Variants in PCDHGB1 observed in about 807,000 individuals in gnomAD.
The protein encoded by PCDHGB1 is protocadherin gamma subfamily B, 1, also known as protocadherin gamma-B1.
In PCDHGB1, 34 loss-of-function variants were observed where a neutral mutation model predicts 56.6. The ratio of observed to expected loss-of-function variants is 0.60; its 90% CI spans 0.46 to 0.80. The LOEUF is 0.80. Ranked by LOEUF, PCDHGB1 falls within the 30% of genes least tolerant of loss-of-function variation. The pLI, the probability that PCDHGB1 is intolerant of heterozygous loss-of-function variation, is 0.00. For synonymous variants in PCDHGB1, 561 were observed against 505.9 expected (o/e 1.11, Z -1.46); for missense variants, 1,278 against 1,204.6 (o/e 1.06, Z -0.90).
At chr5:141,406,908 A>G (rs1256233458) in intron 1 of PCDHGB1, among the ~76,000 whole-genome samples, 2 of 152,204 alleles carry the variant, frequency 1.3e-5, no homozygotes, top group Non-Finnish European at 2.9e-5. Flanking sequence ...GTTTTTAGCT[A>G]TAAGGAAGAG....
intron 1 of PCDHGB1, among the ~76,000 whole-genome samples, chr5:141,363,599 G>A (rs1470952718): frequency 1.3e-5 from 2 of 152,206 alleles, no homozygotes; most frequent in African/African-American, 2.4e-5. Context: ...CAACTCAAAC[G>A]CTGTCTGAGA....
In PCDHGB1 at chr5:141,400,247, T is replaced by C; in HGVS notation, c.2409+47578T>C. 1 of 1,614,050 alleles carries C rather than the reference T, an allele frequency of 6.2e-7. No homozygotes were observed. Among genetic ancestry groups the C allele is most frequent in the East Asian group, 2.2e-5 (1 of 44,884 alleles). ...TTCCTCCTGGCCGTGATTCTGGCCG[T>C]TGCCTTGCGCCTGCGACGCTCCTCC... On this transcript the variant is annotated intron_variant, in intron 1 of 3. Transcript: ENST00000523390.
intron 1 of PCDHGB1, among the ~76,000 whole-genome samples, chr5:141,484,685 T>G (rs2099599013): frequency 6.6e-6 from 1 of 151,934 alleles, no homozygotes; most frequent in Non-Finnish European, 1.5e-5. Flanking sequence ...TTGCTAGGGC[T>G]CAGGCTGTGG....
chr5:141,409,055 G>T (rs141881204), intron 1 of PCDHGB1: 10 of 1,614,038 alleles, frequency 6.2e-6, no homozygotes, highest in Non-Finnish European at 8.5e-6. Flanking sequence ...CCGAAGCACT[G>T]CCCAGAGCAC....
At chr5:141,366,570 G>C (rs373636717) in intron 1 of PCDHGB1, 3 of 1,614,218 alleles carry the variant, frequency 1.9e-6, no homozygotes, top group Admixed American at 3.3e-5. Context: ...GATGGGGTTC[G>C]GGCTTTCCTG....
intron 1 of PCDHGB1, chr5:141,366,009 C>T (rs750100968): frequency 6.2e-6 from 10 of 1,614,108 alleles, no homozygotes; most frequent in African/African-American, 2.7e-5. Flanking sequence ...GACAATACGC[C>T]TGAGATCCTG....
intron 1 of PCDHGB1, chr5:141,366,169 G>A (rs1281971399): frequency 6.2e-7 from 1 of 1,613,962 alleles, no homozygotes; most frequent in Non-Finnish European, 8.5e-7. Flanking sequence ...AGGCCAGCGA[G>A]CCAGGACTCT....
At chr5:141,419,936 G>C in intron 1 of PCDHGB1, 1 of 1,614,074 alleles carries the variant, frequency 6.2e-7, no homozygotes, top group Non-Finnish European at 8.5e-7. Context: ...GTTTTACCTG[G>C]TGGTGGCCTT....
chr5:141,446,747 G>A (rs997132200), intron 1 of PCDHGB1, among the ~76,000 whole-genome samples: 10 of 152,190 alleles, frequency 6.6e-5, no homozygotes, highest in African/African-American at 1.4e-4. Context: ...GATTACAGGC[G>A]TGAGCCACCG....
chr5:141,497,406 C>T lies in PCDHGB1; in HGVS notation c.2468+2541C>T, dbSNP rs892691245. 1.2e-4 allele frequency among the ~76,000 whole-genome samples: 19 copies of T among 152,174 alleles called. No individual in the cohort carries two copies. The East Asian group carries it at 1.5e-3, about 12-fold the overall frequency. ...AGCACCTTACCCCTGCCTCAACTCC[C>T]ATTCCATCAAATGAGAGGCTTAGTG... On this transcript the variant is annotated intron_variant, in intron 2 of 3. Transcript: ENST00000523390.
chr5:141,404,415 T>C, intron 1 of PCDHGB1: 1 of 1,613,844 alleles, frequency 6.2e-7, no homozygotes, highest in Non-Finnish European at 8.5e-7. Context: ...TCTAGAGTTA[T>C]TTACTCCTTG....
At position 141,405,406 on chromosome 5, in the gene PCDHGB1, T is replaced by C. The variant is rs750140674; in HGVS notation, c.2409+52737T>C. On this transcript the variant is annotated intron_variant, in intron 1 of 3. Coordinates refer to ENST00000523390, the MANE Select transcript of PCDHGB1 (RefSeq NM_018922.3). ...GTTCATTTTTTTTCTTTCTTTCTTTTCTTTTTTTGTTTTTTGTTTTGTTTT... is the reference window on the plus strand; with the variant it reads ...GTTCATTTTTTTTCTTTCTTTCTTTCCTTTTTTTGTTTTTTGTTTTGTTTT... 1.2e-5 allele frequency: 19 copies of C among 1,584,070 alleles called. No individual in the cohort carries two copies. The Admixed American group carries it at 1.2e-4, about 10-fold the overall frequency.
At chr5:141,488,478 A>T (rs1251914951) in intron 1 of PCDHGB1, among the ~76,000 whole-genome samples, 5 of 152,072 alleles carry the variant, frequency 3.3e-5, no homozygotes, top group African/African-American at 4.8e-5. Flanking sequence ...ATGTTCCCCT[A>T]CCCAAAAACT....
intron 1 of PCDHGB1, among the ~76,000 whole-genome samples, chr5:141,442,726 C>A (rs1160438073): frequency 2.6e-5 from 4 of 152,060 alleles, no homozygotes; most frequent in Non-Finnish European, 5.9e-5. Context: ...GCATTTGGGG[C>A]CTGTAGGTAA....
chr5:141,375,604 C>T lies in PCDHGB1; in HGVS notation c.2409+22935C>T, dbSNP rs1192028188. 7 of 1,614,112 alleles carry T rather than the reference C, an allele frequency of 4.3e-6. No homozygotes were observed. The African/African-American group carries it at 9.3e-5, about 22-fold the overall frequency. On this transcript the variant is annotated intron_variant, in intron 1 of 3. Coordinates refer to ENST00000523390, the MANE Select transcript of PCDHGB1 (RefSeq NM_018922.3). ...CGCCCCTGTCCTCCTACGTGTCCAT[C>T]AACTCCGACACTGGGATTCTGTACG...
At chr5:141,362,380 C>A in intron 1 of PCDHGB1, 4 of 1,614,026 alleles carry the variant, frequency 2.5e-6, no homozygotes, top group Non-Finnish European at 3.4e-6. Context: ...GGGTACATTG[C>A]CCTATTCCTA....
At chr5:141,384,558 G>C (rs1305876368) in intron 1 of PCDHGB1, 2 of 1,614,132 alleles carry the variant, frequency 1.2e-6, no homozygotes, top group African/African-American at 1.3e-5. Context: ...TGTTCGTGCT[G>C]GACCAGAATG....
At chr5:141,409,772 C>T (rs2095314133) in intron 1 of PCDHGB1, 1 of 1,612,736 alleles carries the variant, frequency 6.2e-7, no homozygotes, top group Non-Finnish European at 8.5e-7. Flanking sequence ...TGATCACGAG[C>T]AGCTGCGCGC....
Position 141,511,165 on chromosome 5 carries a change from A to G in PCDHGB1, c.2776A>G (p.Lys926Glu). 1 of 1,614,096 alleles carries G rather than the reference A, an allele frequency of 6.2e-7. No homozygotes were observed. Among genetic ancestry groups the G allele is most frequent in the East Asian group, 2.2e-5 (1 of 44,870 alleles). ...CAAGAAGAAGTCGGGCAAGAAGGAGAAGAAGTAACATGGAGGCCAGGCCAA... is the reference window on the plus strand; with the variant it reads ...CAAGAAGAAGTCGGGCAAGAAGGAGGAGAAGTAACATGGAGGCCAGGCCAA... ...GNKKKSGKKE[K>E]K Residue 926 changes from lysine (K) to glutamate (E), a missense_variant, in exon 4 of 4, where the codon AAG (lysine) becomes GAG (glutamate). Physicochemically the swap from Lys to Glu is moderately conservative, Grantham distance 56. Transcript: ENST00000523390.
Sources: allele counts gnomAD v4.1 joint callset (sites outside exome capture counted in the v4.1 genomes callset), GRCh38; gene constraint gnomAD v4.1.1; transcripts MANE v1.5; gene names NCBI Gene and HGNC (gene_info 2026-07-23, HGNC 2026-07-21).